Variants in ATP2C1 observed in about 807,000 individuals in gnomAD.
ATP2C1 encodes the protein calcium-transporting ATPase type 2C member 1.
ATP2C1 carries 31 observed loss-of-function variants against 120.5 expected under a neutral mutation model. That is an observed-to-expected ratio of 0.26 (90% CI 0.19 to 0.35). The LOEUF is 0.35. Among genes scored for constraint, ATP2C1 ranks in the 10% least tolerant of loss-of-function variants. The pLI, the probability that ATP2C1 is intolerant of heterozygous loss-of-function variation, is 1.00. For synonymous variants in ATP2C1, 351 were observed against 358.7 expected (o/e 0.98, Z 0.24); for missense variants, 731 against 1,107.5 (o/e 0.66, Z 4.83).
chr3:130,954,949 G>C, intron 9 of ATP2C1, 63 bp from the exon 10 acceptor site: 1 of 1,087,082 alleles, frequency 9.2e-7, no homozygotes, highest in Non-Finnish European at 1.4e-6. Flanking sequence ...GGATGTGTGT[G>C]TGTATGTGTT....
At chr3:130,981,893 T>C (rs2061782401) in intron 20 of ATP2C1, among the ~76,000 whole-genome samples, 1 of 152,342 alleles carries the variant, frequency 6.6e-6, no homozygotes, top group African/African-American at 2.4e-5. Flanking sequence ...TTTTAAAAAT[T>C]ATGTTTTCTA....
At chr3:130,926,757 A>T (rs890193253) in intron 2 of ATP2C1, among the ~76,000 whole-genome samples, 1 of 152,200 alleles carries the variant, frequency 6.6e-6, no homozygotes, top group African/African-American at 2.4e-5. Flanking sequence ...TTCCAACTCC[A>T]TGTGTATTTT....
chr3:130,886,563 A>G (rs1009252074), intron 1 of ATP2C1, among the ~76,000 whole-genome samples: 2 of 151,956 alleles, frequency 1.3e-5, no homozygotes, highest in Non-Finnish European at 2.9e-5. Flanking sequence ...CTGACCATGT[A>G]TTTTCAAATA....
At chr3:130,921,090 T>C (rs2058943180) in intron 2 of ATP2C1, among the ~76,000 whole-genome samples, 1 of 149,594 alleles carries the variant, frequency 6.7e-6, no homozygotes, top group African/African-American at 2.4e-5. Flanking sequence ...TTTTTTTTTT[T>C]TTTTTTTTTG....
rs113292078 is a variant in ATP2C1, at chr3:130,872,006, G to C, written c.108+21078G>C. On this transcript the variant is annotated intron_variant, in intron 1 of 26. Coordinates refer to the ATP2C1 transcript ENST00000504381. Reference sequence around the variant, plus strand: ...CACTGCATTCCAGCCTGGGCAACAGGAGTGAAACTCTGTCTCAAAAAAAAA... The same window carrying C: ...CACTGCATTCCAGCCTGGGCAACAGCAGTGAAACTCTGTCTCAAAAAAAAA... 4.6e-3 allele frequency among the ~76,000 whole-genome samples: 652 copies of C among 142,238 alleles called. 2 individuals carry two copies. The highest frequency in any genetic ancestry group is 0.016 in the African/African-American group (620 of 37,736). 93.3% of individuals were successfully genotyped at this position (142,238 alleles called of 152,430 possible). A position where few individuals can be genotyped will look rare whatever the true frequency, so the allele number is the denominator to read the frequency against.
In ATP2C1 at chr3:131,002,251, C is replaced by G. The variant is rs2062926042; in HGVS notation, c.*901C>G. The G allele has an allele frequency of 3.1e-6, 3 of 967,400 alleles. No individual in the cohort carries two copies. 59.9% of individuals were successfully genotyped at this position (967,400 alleles called of 1,614,324 possible). ...CCTCTAAATATAAATCCAAATACCT[C>G]AGCTAAGTAATTCTATTTTATTATT... On this transcript the variant is annotated 3_prime_UTR_variant, in exon 28 of 28. Coordinates refer to ENST00000510168, the MANE Select transcript of ATP2C1 (RefSeq NM_001378687.1).
At chr3:130,878,721 C>T (rs934007322) in intron 1 of ATP2C1, among the ~76,000 whole-genome samples, 4 of 152,148 alleles carry the variant, frequency 2.6e-5, no homozygotes, top group East Asian at 3.8e-4. Context: ...TCTCTCCTGG[C>T]CTATAAGGTT....
At chr3:130,940,292 A>T (rs1191274664) in intron 6 of ATP2C1, among the ~76,000 whole-genome samples, 3 of 152,224 alleles carry the variant, frequency 2.0e-5, no homozygotes, top group Non-Finnish European at 4.4e-5. Context: ...TTAACATAAG[A>T]TTATCTAAAT....
At chr3:130,876,110 G>T (rs2068594429) in intron 1 of ATP2C1, among the ~76,000 whole-genome samples, 1 of 151,564 alleles carries the variant, frequency 6.6e-6, no homozygotes, top group African/African-American at 2.4e-5. Context: ...ACTCTTTGTT[G>T]TGCAGAGGCT....
At chr3:130,940,609 T>C in intron 6 of ATP2C1, 21 bp from the exon 7 acceptor site, 1 of 1,545,462 alleles carries the variant, frequency 6.5e-7, no homozygotes, top group Non-Finnish European at 8.9e-7. Context: ...AATTAAATTC[T>C]ACTTTTTTTT....
At chr3:131,009,213 C>T (rs2063223203) in intron 26 of ATP2C1, among the ~76,000 whole-genome samples, 1 of 152,150 alleles carries the variant, frequency 6.6e-6, no homozygotes, top group African/African-American at 2.4e-5. Context: ...AGAAACTAAA[C>T]TATCCTAACA....
intron 1 of ATP2C1, among the ~76,000 whole-genome samples, chr3:130,885,455 T>C (rs943551005): frequency 6.6e-6 from 1 of 152,168 alleles, no homozygotes; most frequent in Admixed American, 6.5e-5. Flanking sequence ...TGAAGGTGAT[T>C]TTCTCTGGTG....
chr3:130,913,719 A>G (rs188003891), intron 2 of ATP2C1, among the ~76,000 whole-genome samples: 1 of 152,316 alleles, frequency 6.6e-6, no homozygotes, highest in East Asian at 1.9e-4. Flanking sequence ...TAGATCTTAA[A>G]TCTAGTCTCA....
chr3:130,894,698 C>G lies in ATP2C1; in HGVS notation c.-72C>G. The G allele has an allele frequency of 1.2e-6, 2 of 1,614,084 alleles. No homozygotes were observed. The highest frequency in any genetic ancestry group is 1.7e-5 in the Admixed American group (1 of 60,030). On this transcript the variant is annotated 5_prime_UTR_variant, in exon 2 of 28. Coordinates refer to ENST00000510168, the MANE Select transcript of ATP2C1 (RefSeq NM_001378687.1). The surrounding 1 kb of genome is among the most constrained non-coding windows in gnomAD (Gnocchi z 4.5). ...CTTCCTTGTCCTCCTCCTCTCCTCTCTATTCCCAGTGTGGCCGTGGCTGAC... is the reference window on the plus strand; with the variant it reads ...CTTCCTTGTCCTCCTCCTCTCCTCTGTATTCCCAGTGTGGCCGTGGCTGAC...
intron 2 of ATP2C1, among the ~76,000 whole-genome samples, chr3:130,919,477 C>T (rs2058852407): frequency 6.6e-6 from 1 of 152,098 alleles, no homozygotes; most frequent in South Asian, 2.1e-4. Flanking sequence ...CCTCAGCCTC[C>T]CAAAGTGCTA....
downstream of ATP2C1, among the ~76,000 whole-genome samples, chr3:131,006,486 A>G (rs750251264): frequency 2.0e-5 from 3 of 152,140 alleles, no homozygotes; most frequent in Non-Finnish European, 4.4e-5. Context: ...GCTCCAATAC[A>G]GTCCACTTCC....
chr3:130,885,867 A>G (rs943482794), intron 1 of ATP2C1, among the ~76,000 whole-genome samples: 1 of 152,106 alleles, frequency 6.6e-6, no homozygotes, highest in African/African-American at 2.4e-5. Context: ...TTTAATTTTT[A>G]TATTAGATTT....
chr3:130,902,297 G>GTTTTTTTTTTTT (rs398052267), intron 2 of ATP2C1, among the ~76,000 whole-genome samples: 32 of 13,236 alleles, frequency 2.4e-3, no homozygotes, highest in African/African-American at 3.7e-3. Flanking sequence ...TTTTTTTTTT[G>GTTTTTTTTTTTT]TTTTTTTTTT....
upstream of ATP2C1, among the ~76,000 whole-genome samples, chr3:130,892,687 C>T (rs889035897): frequency 2.0e-5 from 3 of 150,294 alleles, no homozygotes; most frequent in Non-Finnish European, 4.4e-5. Context: ...CCATGCATGC[C>T]AGAGGTGGAT....
Sources: gnomAD v4.1 joint callset for allele counts (sites outside exome capture counted in the v4.1 genomes callset) on GRCh38, gnomAD v4.1.1 for gene constraint, Gnocchi (gnomAD v3.1) non-coding constraint, MANE v1.5 for transcripts, NCBI Gene and HGNC (gene_info 2026-07-23, HGNC 2026-07-21) for gene names.